Variants in HTRA2 observed in about 807,000 individuals in gnomAD.
HTRA2 encodes the protein HtrA serine peptidase 2.
HTRA2 carries 24 observed loss-of-function variants against 42.2 expected under a neutral mutation model. The observed-to-expected ratio is 0.57, with a 90% CI of 0.41 to 0.80. HTRA2 has a LOEUF of 0.80. HTRA2 is among the 30% of genes least tolerant of loss of function. The probability of loss-of-function intolerance (pLI) is 0.00; values close to 1 mark genes in which losing one functional copy is unlikely to be tolerated. For synonymous variants in HTRA2, 245 were observed against 255.8 expected (o/e 0.96, Z 0.40); for missense variants, 466 against 613.5 (o/e 0.76, Z 2.54).
Position 74,533,092 on chromosome 2 carries a change from G to A in HTRA2, c.*107G>A. On this transcript the variant is annotated 3_prime_UTR_variant, in exon 8 of 8. Coordinates refer to ENST00000258080, the MANE Select transcript of HTRA2 (RefSeq NM_013247.5). The stretch of plus-strand genomic sequence containing the variant: ...GGGTTAAATGAACCAGTGGGGGCAG[G>A]TCCCTCCAACCACCAGCACTGACTC... 9.6e-7 allele frequency: 1 copy of A among 1,045,614 alleles called. No individual in the cohort carries two copies. Among genetic ancestry groups the A allele is most frequent in the Non-Finnish European group, 1.5e-6 (1 of 683,998 alleles). 64.8% of individuals were successfully genotyped at this position (1,045,614 alleles called of 1,614,324 possible). A position where few individuals can be genotyped will look rare whatever the true frequency, so the allele number is the denominator to read the frequency against.
At chr2:74,533,553 C>T, downstream of HTRA2, 6 of 1,524,198 alleles carry the variant, frequency 3.9e-6, no homozygotes, top group Non-Finnish European at 5.4e-6. Flanking sequence ...GTAATGGCAG[C>T]CTCAGACCCC....
Position 74,533,147 on chromosome 2 carries a change from T to C in HTRA2, c.*162T>C. 1 of 637,394 alleles carries C rather than the reference T, an allele frequency of 1.6e-6. No homozygotes were observed. The highest frequency in any genetic ancestry group is 2.7e-6 in the Non-Finnish European group (1 of 365,692). The allele number at this position is 637,394 out of a possible 1,614,324, so 39.5% of individuals were successfully genotyped here. On this transcript the variant is annotated 3_prime_UTR_variant, in exon 8 of 8. Transcript: ENST00000258080. The stretch of plus-strand genomic sequence containing the variant: ...GCTCTGAAGAATCACAGAAACACTT[T>C]TTATATAAAATAAAATTATACCTAG...
upstream of HTRA2, chr2:74,529,601 T>A: frequency 6.4e-7 from 1 of 1,568,602 alleles, no homozygotes; most frequent in Non-Finnish European, 8.7e-7. Context: ...AAAGAGCCGC[T>A]CCGGCCCCGG....
upstream of HTRA2, chr2:74,529,664 C>A (rs1412120583): frequency 6.5e-7 from 1 of 1,544,814 alleles, no homozygotes; most frequent in Admixed American, 2.0e-5. Flanking sequence ...CCGTCGCCGC[C>A]GCCGCCATTT....
rs1415691537 is a variant in HTRA2 at position 74,530,212 on chromosome 2, G to A, written c.206G>A (p.Arg69Gln). ...TTGTCTGTTGGGGTCACTGAACCCC[G>A]AGCATGCCTGACGTCTGGGACCCCG... ...ARLSVGVTEP[R>Q]ACLTSGTPGP... The change falls in exon 1 of 8, where the codon CGA (arginine) becomes CAA (glutamine). Residue 69 changes from arginine (R) to glutamine (Q), a missense_variant. This residue lies in a region of HTRA2 where 222 missense variants were observed against 205.1 expected (regional missense o/e 1.08). Coordinates refer to ENST00000258080, the MANE Select transcript of HTRA2 (RefSeq NM_013247.5). The surrounding 1 kb of genome is among the most constrained non-coding windows in gnomAD (Gnocchi z 7.4). 1 of 1,610,776 alleles carries A rather than the reference G, an allele frequency of 6.2e-7. No homozygotes were observed. The highest frequency in any genetic ancestry group is 1.1e-5 in the South Asian group (1 of 90,714).
Position 74,530,687 on chromosome 2 carries a change from A to AT in HTRA2, c.579dup (p.Val194CysfsTer9). The AT allele has an allele frequency of 6.2e-7, 1 of 1,614,062 alleles. No individual in the cohort carries two copies. The highest frequency in any genetic ancestry group is 1.1e-5 in the South Asian group (1 of 91,082). On this transcript the variant is annotated frameshift_variant, in exon 2 of 8. Transcript: ENST00000258080. LOFTEE classifies it high-confidence loss of function. The surrounding 1 kb of genome is among the most constrained non-coding windows in gnomAD (Gnocchi z 7.4). ...ATTCGTGGTGGCTGCCGATGGGCTC[A>AT]TTGTCACCAACGCCCATGTGGTGGC...
At chr2:74,533,407 A>G (rs2104384432), downstream of HTRA2, 1 of 586,424 alleles carries the variant, frequency 1.7e-6, no homozygotes, top group Admixed American at 3.0e-5. Context: ...GGGAGCAAAG[A>G]TTCCCATGCT....
rs1675745364 is a variant in HTRA2 at position 74,533,089 on chromosome 2, C to T, written c.*104C>T. ...AGAGGGTTAAATGAACCAGTGGGGGCAGGTCCCTCCAACCACCAGCACTGA... is the reference window on the plus strand; with the variant it reads ...AGAGGGTTAAATGAACCAGTGGGGGTAGGTCCCTCCAACCACCAGCACTGA... On this transcript the variant is annotated 3_prime_UTR_variant, in exon 8 of 8. Transcript: ENST00000258080. 2.9e-6 allele frequency: 3 copies of T among 1,051,118 alleles called. No homozygotes were observed. The highest frequency in any genetic ancestry group is 1.6e-5 in the African/African-American group (1 of 63,770). The allele number at this position is 1,051,118 out of a possible 1,614,324, so 65.1% of individuals were successfully genotyped here.
chr2:74,530,023 C>A lies in HTRA2; in HGVS notation c.17C>A (p.Ala6Glu). The change falls in exon 1 of 8, where the codon GCG becomes GAG. Residue 6 changes from alanine (A) to glutamate (E), a missense_variant. Physicochemically the swap from Ala to Glu is moderately radical, Grantham distance 107. Around this residue, in one of 3 missense-constraint regions of HTRA2, gnomAD observed 222 missense variants for 205.1 expected, o/e 1.08. Coordinates refer to ENST00000258080, the MANE Select transcript of HTRA2 (RefSeq NM_013247.5). This position sits in a 1 kb window ranked among gnomAD's most constrained non-coding sequence, Gnocchi z 7.4. MAAPRAGRGAGWSLRA... is the reference protein window; with the variant it reads MAAPREGRGAGWSLRA... ...GCGGAGCTGATGGCTGCGCCGAGGG[C>A]GGGGCGGGGTGCAGGCTGGAGCCTT... 6.5e-7 allele frequency: 1 copy of A among 1,544,544 alleles called. No individual in the cohort carries two copies. Among genetic ancestry groups the A allele is most frequent in the South Asian group, 1.2e-5 (1 of 82,330 alleles).
upstream of HTRA2, chr2:74,529,737 G>A (rs754840508): frequency 2.6e-6 from 4 of 1,517,362 alleles, no homozygotes; most frequent in East Asian, 7.4e-5. Context: ...CGGGGTGAGG[G>A]GACCCGAAGT....
rs776713533 is a variant in HTRA2, at chr2:74,531,824, C to T, written c.1046-32C>T. 34 of 1,612,996 alleles carry T rather than the reference C, an allele frequency of 2.1e-5. No individual in the cohort carries two copies. In the Admixed American group the frequency reaches 5.5e-4, roughly 26 times the overall value. ...AGAGGGCAGGGAAGGAAGGATGTAGCTGGGTGGGGCTCATTTGTCCCTCTG... is the reference window on the plus strand; with the variant it reads ...AGAGGGCAGGGAAGGAAGGATGTAGTTGGGTGGGGCTCATTTGTCCCTCTG... On this transcript the variant is annotated intron_variant, in intron 5 of 7. Transcript: ENST00000258080.
intron 6 of HTRA2, 86 bp from the exon 7 acceptor site, chr2:74,532,533 C>G: frequency 1.0e-6 from 1 of 984,260 alleles, no homozygotes. Context: ...ATATATTTAT[C>G]AATGTGTTGA....
chr2:74,529,451 T>C, upstream of HTRA2: 1 of 1,567,850 alleles, frequency 6.4e-7, no homozygotes, highest in African/African-American at 1.4e-5. Context: ...AGAACCCGAC[T>C]GGCGCGTAGA....
chr2:74,529,624 C>A (rs745590359), upstream of HTRA2: 46 of 1,568,080 alleles, frequency 2.9e-5, no homozygotes, highest in Non-Finnish European at 4.0e-5. Context: ...CTGAGGGAAG[C>A]TCCATAACTG....
chr2:74,530,568 G>A lies in HTRA2; in HGVS notation c.507-49G>A, dbSNP rs2104368506. On this transcript the variant is annotated intron_variant, in intron 1 of 7. Coordinates refer to ENST00000258080, the MANE Select transcript of HTRA2 (RefSeq NM_013247.5). The surrounding 1 kb of genome is among the most constrained non-coding windows in gnomAD (Gnocchi z 7.4). ...AAGCCACAGGCTGGAGGGCGGGCGG[G>A]TAGGAGGGGTCAGAGCCTCCTCTTA... The A allele has an allele frequency of 6.2e-7, 1 of 1,613,598 alleles. No homozygotes were observed. Among genetic ancestry groups the A allele is most frequent in the Non-Finnish European group, 8.5e-7 (1 of 1,179,940 alleles).
rs1340819053 is a variant in HTRA2 at position 74,533,222 on chromosome 2, A to T, written c.*237A>T. ...GTGGGAGGGCTGGATCTTTTCCCCC[A>T]CCAAAAGGCTAGAGGTAAAGCTGTA... On this transcript the variant is annotated 3_prime_UTR_variant, in exon 8 of 8. Coordinates refer to ENST00000258080, the MANE Select transcript of HTRA2 (RefSeq NM_013247.5). The T allele has an allele frequency of 1.8e-6, 1 of 570,210 alleles. No individual in the cohort carries two copies. Among genetic ancestry groups the T allele is most frequent in the Non-Finnish European group, 3.1e-6 (1 of 321,750 alleles). The allele number at this position is 570,210 out of a possible 1,614,324, so 35.3% of individuals were successfully genotyped here.
upstream of HTRA2, chr2:74,529,711 T>A: frequency 6.5e-7 from 1 of 1,531,970 alleles, no homozygotes. Flanking sequence ...GAAGGCGGAG[T>A]CTTTGGGCAT....
rs1558610853 is a variant in HTRA2, at chr2:74,530,435, C to A, written c.429C>A (p.Pro143=). The A allele has an allele frequency of 6.2e-7, 1 of 1,604,978 alleles. No individual in the cohort carries two copies. The highest frequency in any genetic ancestry group is 2.2e-5 in the East Asian group (1 of 44,818). Reference sequence around the variant, plus strand: ...TCCCTAGCCCGCCGCCCGCTTCTCCCCGGAGTCAGTACAACTTCATCGCAG... The same window carrying A: ...TCCCTAGCCCGCCGCCCGCTTCTCCACGGAGTCAGTACAACTTCATCGCAG... ...AAVPSPPPAS[P]RSQYNFIADV... is the part of the protein sequence containing the mutation. Residue 143 remains proline, a synonymous_variant, in exon 1 of 8, where the codon CCC becomes CCA. Transcript: ENST00000258080. This position sits in a 1 kb window ranked among gnomAD's most constrained non-coding sequence, Gnocchi z 7.4.
rs1675558084 is a variant in HTRA2 at position 74,531,105 on chromosome 2, T to G, written c.906T>G (p.Asp302Glu). Residue 302 changes from aspartate to glutamate, a missense_variant and splice_region_variant, in exon 3 of 8, where the codon GAT (aspartate) becomes GAG (glutamate). Asp to Glu is a conservative substitution (Grantham distance 45). Transcript: ENST00000258080. ...ACATTCAAACTGATGCAGCTATTGATGTGCGTCCTGATAGGAGAGAAATGA... is the reference window on the plus strand; with the variant it reads ...ACATTCAAACTGATGCAGCTATTGAGGTGCGTCCTGATAGGAGAGAAATGA... ...VEYIQTDAAI[D>E]FGNSGGPLVN... 1 of 1,614,020 alleles carries G rather than the reference T, an allele frequency of 6.2e-7. No individual in the cohort carries two copies. Among genetic ancestry groups the G allele is most frequent in the Non-Finnish European group, 8.5e-7 (1 of 1,179,972 alleles).
Sources: allele counts gnomAD v4.1 joint callset, GRCh38; gene constraint gnomAD v4.1.1; regional missense constraint gnomAD v4.1.1; non-coding constraint Gnocchi (gnomAD v3.1); transcripts MANE v1.5; gene names NCBI Gene and HGNC (gene_info 2026-07-23, HGNC 2026-07-21).